The following SDK1 variants were observed in gnomAD, a reference collection of about 807,000 sequenced individuals.
SDK1 encodes sidekick cell adhesion molecule 1, also known as protein sidekick-1.
A neutral mutation model predicts 245.5 loss-of-function variants in SDK1; 157 were observed. The ratio of observed to expected loss-of-function variants is 0.64; its 90% CI spans 0.56 to 0.73. SDK1 has a LOEUF of 0.73. Ranked by LOEUF, SDK1 falls within the 30% of genes least tolerant of loss-of-function variation. SDK1 has a pLI of 0.00. For synonymous variants in SDK1, 1,647 were observed against 1,278.5 expected, an observed-to-expected ratio of 1.29 and a Z score of -6.15; for missense variants, 3,583 against 3,002.3, an observed-to-expected ratio of 1.19 and a Z score of -4.52.
intron 14 of SDK1, among the ~76,000 whole-genome samples, chr7:4,001,010 A>T (rs566531638): frequency 9.9e-5 from 15 of 151,960 alleles, no homozygotes; most frequent in Admixed American, 3.3e-4. Context: ...CCAAGACGAG[A>T]TGGGGGTCAG....
chr7:3,801,468 C>G (rs947381299), intron 4 of SDK1, among the ~76,000 whole-genome samples: 13 of 152,104 alleles, frequency 8.5e-5, no homozygotes, highest in Non-Finnish European at 1.3e-4. Flanking sequence ...TGAGTTCTTA[C>G]GGCTACATTT....
chr7:4,060,596 G>C (rs1017902709), intron 19 of SDK1, among the ~76,000 whole-genome samples: 3 of 152,012 alleles, frequency 2.0e-5, no homozygotes, highest in African/African-American at 7.3e-5. Context: ...TAGGTTGCCT[G>C]TTCACTCTGA....
At position 3,513,795 on chromosome 7, in the gene SDK1, C is replaced by G. The variant is rs560875175; in HGVS notation, c.299-105285C>G. Among the ~76,000 whole-genome samples, 8 of 152,248 alleles carry G rather than the reference C, an allele frequency of 5.3e-5. No homozygotes were observed. In the South Asian group the frequency reaches 1.7e-3, roughly 32 times the overall value. Reference sequence around the variant, plus strand: ...ACTTTTCAGTCTAGTCCCACCCACCCTTAGTAGTCCCCAGTGTCTGTTGTT... The same window carrying G: ...ACTTTTCAGTCTAGTCCCACCCACCGTTAGTAGTCCCCAGTGTCTGTTGTT... On this transcript the variant is annotated intron_variant, in intron 1 of 44. Transcript: ENST00000404826.
chr7:4,060,116 C>T (rs530636341), intron 19 of SDK1, among the ~76,000 whole-genome samples: 1,984 of 152,138 alleles, frequency 0.013, 20 homozygotes, highest in Middle Eastern at 0.02. Flanking sequence ...CTCCTGACCT[C>T]GTGATCCGCC....
intron 10 of SDK1, among the ~76,000 whole-genome samples, chr7:3,968,087 C>A (rs1165468252): frequency 1.3e-5 from 2 of 152,258 alleles, no homozygotes; most frequent in South Asian, 4.1e-4. Flanking sequence ...TGAAGTCACT[C>A]TGCTAGCACT....
At chr7:3,640,310 A>C (rs1022817370) in intron 3 of SDK1, among the ~76,000 whole-genome samples, 4 of 152,230 alleles carry the variant, frequency 2.6e-5, no homozygotes, top group Admixed American at 2.0e-4. Flanking sequence ...GTGATGACAG[A>C]ATTTCCTCAT....
chr7:4,209,787 C>T (rs1005326364), intron 37 of SDK1, among the ~76,000 whole-genome samples: 2 of 152,162 alleles, frequency 1.3e-5, no homozygotes, highest in Non-Finnish European at 2.9e-5. Flanking sequence ...CTCTCAAGCC[C>T]CTTTGTGTTT....
At chr7:3,465,846 C>T (rs1156629667) in intron 1 of SDK1, among the ~76,000 whole-genome samples, 1 of 152,152 alleles carries the variant, frequency 6.6e-6, no homozygotes, top group Non-Finnish European at 1.5e-5. Context: ...GTCTAACACT[C>T]CAAGCAGCCA....
chr7:4,175,771 A>G lies in SDK1; in HGVS notation c.4937-4A>G, dbSNP rs112491467. The G allele has an allele frequency of 0.028, 44,723 of 1,613,368 alleles. 974 individuals carry two copies. The highest frequency in any genetic ancestry group is 0.088 in the South Asian group (7,975 of 91,050). ...CCACCTTTCTGCTTTGCTTACCCCA[A>G]TAGCCCAAAGCAGCTTCAAGACGGT... On this transcript the variant is annotated splice_polypyrimidine_tract_variant and splice_region_variant and intron_variant, in intron 33 of 44. Coordinates refer to ENST00000404826, the MANE Select transcript of SDK1 (RefSeq NM_152744.4).
chr7:3,623,217 T>C (rs993140335), intron 2 of SDK1, among the ~76,000 whole-genome samples: 1 of 151,762 alleles, frequency 6.6e-6, no homozygotes, highest in Non-Finnish European at 1.5e-5. Context: ...CGTTACACAC[T>C]GCACAGTGAA....
intron 9 of SDK1, among the ~76,000 whole-genome samples, chr7:3,965,571 A>C (rs968627933): frequency 4.6e-5 from 7 of 152,232 alleles, no homozygotes; most frequent in Non-Finnish European, 8.8e-5. Context: ...TTGCTCATTT[A>C]GCAAGCGGCT....
At chr7:3,497,060 G>T (rs1782047248) in intron 1 of SDK1, among the ~76,000 whole-genome samples, 1 of 152,130 alleles carries the variant, frequency 6.6e-6, no homozygotes, top group African/African-American at 2.4e-5. Flanking sequence ...ATAAATACGT[G>T]ACAGTTAAAA....
chr7:3,301,693 C>A lies in SDK1; in HGVS notation c.107C>A (p.Ala36Asp). The A allele has an allele frequency of 1.0e-6, 1 of 974,066 alleles. No individual in the cohort carries two copies. The highest frequency in any genetic ancestry group is 1.2e-6 in the Non-Finnish European group (1 of 823,752). The allele number at this position is 974,066 out of a possible 1,614,324, so 60.3% of individuals were successfully genotyped here. ...CCGCGGGGATCCCCGCCCGGCCGCG[C>A]CCGCCCCTCGCTGGCGCCGCGCCCC... ...GRPRGSPPGRARPSLAPRPGP... is the reference protein window; with the variant it reads ...GRPRGSPPGRDRPSLAPRPGP... The change falls in exon 1 of 45, where the codon GCC becomes GAC. Residue 36 changes from alanine to aspartate, a missense_variant. By Grantham distance (126) the Ala-to-Asp change is moderately radical. Transcript: ENST00000404826.
intron 14 of SDK1, among the ~76,000 whole-genome samples, chr7:3,996,987 G>A (rs1055577226): frequency 6.6e-6 from 1 of 152,038 alleles, no homozygotes; most frequent in African/African-American, 2.4e-5. Flanking sequence ...GGAGCTTAAG[G>A]GAGTTTTGAC....
chr7:3,368,193 A>C (rs1305864627), intron 1 of SDK1, among the ~76,000 whole-genome samples: 4 of 152,232 alleles, frequency 2.6e-5, no homozygotes, highest in Non-Finnish European at 4.4e-5. Context: ...AAATTGAGTT[A>C]AATATTGTTG....
At chr7:3,954,481 A>G (rs182683621) in intron 7 of SDK1, among the ~76,000 whole-genome samples, 1 of 1,214 alleles carries the variant, frequency 8.2e-4, no homozygotes, top group African/African-American at 4.7e-3. Flanking sequence ...TACGCCCTCC[A>G]CCCTCCCCCC....
intron 13 of SDK1, 58 bp from the exon 14 acceptor site, chr7:3,987,128 C>A: frequency 6.3e-7 from 1 of 1,588,126 alleles, no homozygotes; most frequent in Non-Finnish European, 8.6e-7. Flanking sequence ...AGCTCAGGCT[C>A]ACCATGGATT....
chr7:3,313,789 T>C (rs576462977), intron 1 of SDK1, among the ~76,000 whole-genome samples: 19 of 152,348 alleles, frequency 1.2e-4, no homozygotes, highest in Non-Finnish European at 2.2e-4. Flanking sequence ...TATTCTTGAG[T>C]TGCTAAAAGT....
intron 4 of SDK1, among the ~76,000 whole-genome samples, chr7:3,682,251 T>G (rs910640759): frequency 3.3e-5 from 5 of 152,316 alleles, no homozygotes; most frequent in African/African-American, 1.2e-4. Flanking sequence ...AATGGGACTC[T>G]CACCCCATGG....
Sources: gnomAD v4.1 joint callset for allele counts (sites outside exome capture counted in the v4.1 genomes callset) on GRCh38, gnomAD v4.1.1 for gene constraint, MANE v1.5 for transcripts, NCBI Gene and HGNC (gene_info 2026-07-23, HGNC 2026-07-21) for gene names.